PDE8B: variants seen among roughly 807,000 people sequenced by gnomAD.
PDE8B encodes high affinity cAMP-specific and IBMX-insensitive 3',5'-cyclic phosphodiesterase 8B.
A neutral mutation model predicts 101.3 loss-of-function variants in PDE8B; 26 were observed. That is an observed-to-expected ratio of 0.26 (90% CI 0.19 to 0.36). PDE8B has a LOEUF of 0.36. Among genes scored for constraint, PDE8B ranks in the 10% least tolerant of loss-of-function variants. The pLI is 1.00. For missense variants in PDE8B, 810 were observed against 1,163.1 expected (o/e 0.70, Z 4.42); for synonymous variants, 424 against 429.3 (o/e 0.99, Z 0.15).
the PDE8B span, among the ~76,000 whole-genome samples, chr5:77,097,896 T>C: frequency 6.7e-6 from 1 of 150,036 alleles, no homozygotes; most frequent in Non-Finnish European, 1.5e-5. Flanking sequence ...TTGTTACTAT[T>C]TGGTGGGTGA....
the PDE8B span, chr5:77,147,990 A>T: frequency 6.6e-6 from 1 of 152,320 alleles, no homozygotes; most frequent in African/African-American, 2.4e-5. Flanking sequence ...GAATTCAGGG[A>T]AGTAGAGAAA....
intron 11 of PDE8B, among the ~76,000 whole-genome samples, chr5:77,403,679 A>G (rs1313438424): frequency 6.6e-6 from 1 of 152,206 alleles, no homozygotes; most frequent in Non-Finnish European, 1.5e-5. Flanking sequence ...AAGAGATAGT[A>G]TAATAAATAT....
At chr5:77,386,377 C>T (rs542535637) in intron 10 of PDE8B, among the ~76,000 whole-genome samples, 191 of 152,064 alleles carry the variant, frequency 1.3e-3, no homozygotes, top group African/African-American at 4.4e-3. Context: ...GACAGTGGGG[C>T]GTTAAAGTCT....
intron 1 of PDE8B, among the ~76,000 whole-genome samples, chr5:77,213,573 CT>C (rs1403979399): frequency 1.3e-5 from 2 of 152,092 alleles, no homozygotes; most frequent in East Asian, 1.9e-4. Context: ...ACTAAGCATT[CT>C]TTTTTTGCCG....
chr5:77,169,729 C>T, the PDE8B span, among the ~76,000 whole-genome samples: 12 of 152,250 alleles, frequency 7.9e-5, no homozygotes, highest in African/African-American at 2.2e-4. Flanking sequence ...CTCACTCCAA[C>T]GAAGCTACCT....
At chr5:77,290,320 G>A (rs1580818815) in intron 1 of PDE8B, 1 of 1,515,470 alleles carries the variant, frequency 6.6e-7, no homozygotes, top group Non-Finnish European at 9.1e-7. Flanking sequence ...AAAGAGGTGG[G>A]GCTCCGAGAG....
the PDE8B span, among the ~76,000 whole-genome samples, chr5:77,180,225 A>AG: frequency 6.6e-6 from 1 of 152,108 alleles, no homozygotes; most frequent in Non-Finnish European, 1.5e-5. Context: ...ACACCCCGGG[A>AG]GGGGCGCTAG....
chr5:77,266,866 G>GTTT (rs796951209), intron 1 of PDE8B, among the ~76,000 whole-genome samples: 1 of 144,886 alleles, frequency 6.9e-6, no homozygotes, highest in African/African-American at 2.5e-5. Flanking sequence ...TCTTGAATCT[G>GTTT]TTTTTTTTTT....
chr5:77,301,996 T>G (rs1051491288), intron 1 of PDE8B, among the ~76,000 whole-genome samples: 12 of 152,250 alleles, frequency 7.9e-5, no homozygotes, highest in African/African-American at 2.9e-4. Context: ...GATTATATTC[T>G]AGACCATTTT....
chr5:77,254,909 C>T (rs1758795853), intron 1 of PDE8B, among the ~76,000 whole-genome samples: 1 of 152,118 alleles, frequency 6.6e-6, no homozygotes, highest in African/African-American at 2.4e-5. Flanking sequence ...TAAATGGAAC[C>T]TTTTGGGGAG....
chr5:77,162,614 C>T, the PDE8B span, among the ~76,000 whole-genome samples: 2 of 152,082 alleles, frequency 1.3e-5, no homozygotes, highest in African/African-American at 4.8e-5. Context: ...CATATACAAC[C>T]AGTTGATTTT....
At chr5:77,192,776 T>A in the PDE8B span, among the ~76,000 whole-genome samples, 1 of 152,218 alleles carries the variant, frequency 6.6e-6, no homozygotes, top group South Asian at 2.1e-4. Flanking sequence ...TAAAAGAGAT[T>A]GTAGTAATTT....
chr5:77,331,347 G>T, intron 4 of PDE8B, 55 bp from the exon 5 acceptor site: 1 of 1,473,456 alleles, frequency 6.8e-7, no homozygotes, highest in Non-Finnish European at 9.5e-7. Flanking sequence ...GTGTTTCAGT[G>T]TGAGGAATCC....
At chr5:77,141,824 A>G in the PDE8B span, 1 of 152,190 alleles carries the variant, frequency 6.6e-6, no homozygotes, top group Admixed American at 6.5e-5. Context: ...CAAAGAGAGA[A>G]TTTATAAATA....
At chr5:77,267,081 T>C (rs914807976) in intron 1 of PDE8B, among the ~76,000 whole-genome samples, 16 of 152,126 alleles carry the variant, frequency 1.1e-4, no homozygotes, top group African/African-American at 3.6e-4. Context: ...TTAAGGCTTA[T>C]TTGTTGCTCA....
intron 10 of PDE8B, among the ~76,000 whole-genome samples, chr5:77,371,532 G>T (rs959869771): frequency 3.9e-5 from 6 of 152,276 alleles, no homozygotes; most frequent in African/African-American, 1.4e-4. Context: ...GGTAATGTAA[G>T]TTCTTCAACT....
At chr5:77,296,797 G>A (rs115577638) in intron 1 of PDE8B, among the ~76,000 whole-genome samples, 225 of 152,262 alleles carry the variant, frequency 1.5e-3, no homozygotes, top group African/African-American at 5.2e-3. Flanking sequence ...GAGGTTCTGG[G>A]AGAATCTGCT....
the PDE8B span, among the ~76,000 whole-genome samples, chr5:77,150,662 C>T: frequency 6.6e-6 from 1 of 152,192 alleles, no homozygotes; most frequent in African/African-American, 2.4e-5. Context: ...CAGGAATAAT[C>T]ATAGTCATCT....
chr5:77,158,344 G>A, the PDE8B span, among the ~76,000 whole-genome samples: 2 of 152,228 alleles, frequency 1.3e-5, no homozygotes, highest in Non-Finnish European at 2.9e-5. Context: ...TCGACTGCCA[G>A]TATAAATAGG....
Sources: gnomAD v4.1 joint callset for allele counts (sites outside exome capture counted in the v4.1 genomes callset) on GRCh38, gnomAD v4.1.1 for gene constraint, MANE v1.5 for transcripts, NCBI Gene and HGNC (gene_info 2026-07-23, HGNC 2026-07-21) for gene names.